ASMT: variants seen among roughly 807,000 people sequenced by gnomAD.
The protein encoded by ASMT is acetylserotonin O-methyltransferase, also known as acetylserotonin N-methyltransferase.
Under a neutral mutation model 41.3 loss-of-function variants are expected in ASMT, and 53 were observed. The ratio of observed to expected loss-of-function variants is 1.28; its 90% confidence interval spans 1.03 to 1.61. The LOEUF is 1.61. Ranked by LOEUF, ASMT falls within the 40% of genes most tolerant of loss-of-function variation. The pLI, the probability that ASMT is intolerant of heterozygous loss-of-function variation, is 0.00. For missense variants in ASMT, 531 were observed against 441.3 expected, an observed-to-expected ratio of 1.20 and a Z score of -1.82; for synonymous variants, 231 against 184.8, an observed-to-expected ratio of 1.25 and a Z score of -2.03.
In ASMT at chrX:1,636,490, G is replaced by C. The variant is rs745468260; in HGVS notation, c.840G>C (p.Arg280Ser). 1.2e-6 allele frequency: 2 copies of C among 1,613,872 alleles called. No homozygotes were observed. Among genetic ancestry groups the C allele is most frequent in the Non-Finnish European group, 1.7e-6 (2 of 1,179,860 alleles). The change falls in exon 8 of 9, where the codon AGG (arginine) becomes AGC (serine). Residue 280 changes from arginine (R) to serine (S), a missense_variant. Physicochemically the swap from Arg to Ser is moderately radical, Grantham distance 110. Coordinates refer to ENST00000381241, the MANE Select transcript of ASMT (RefSeq NM_001171038.2). The part of the protein sequence containing the change: ...LPEADLYILA[R>S]VLHDWADGKC... ...AAGCTGATCTGTACATCCTGGCCAGGGTCCTCCATGACTGGGCAGACGGAA... is the reference window on the plus strand; with the variant it reads ...AAGCTGATCTGTACATCCTGGCCAGCGTCCTCCATGACTGGGCAGACGGAA...
chrX:1,616,178 A>ATG lies in ASMT; in HGVS notation c.69+910_69+911insTG, dbSNP rs1569367833. ...CGAGTATCTGGGATTACAGGCACCC[A>ATG]CCACCACGCCCGGCTAATTTTTGTA... On this transcript the variant is annotated intron_variant, in intron 1 of 8. Coordinates refer to ENST00000381241, the MANE Select transcript of ASMT (RefSeq NM_001171038.2). 5.7e-3 allele frequency among the ~76,000 whole-genome samples: 808 copies of ATG among 140,798 alleles called. 21 individuals are homozygous for ATG. The highest frequency in any genetic ancestry group is 0.021 in the African/African-American group (746 of 35,318). The allele number at this position is 140,798 out of a possible 152,430, so 92.4% of individuals were successfully genotyped here.
intron 1 of ASMT, among the ~76,000 whole-genome samples, chrX:1,620,927 C>A (rs1164480216): frequency 3.4e-5 from 5 of 147,350 alleles, no homozygotes; most frequent in South Asian, 2.2e-4. Context: ...ATAAAGATAC[C>A]AAAAAAAAAA....
At chrX:1,627,100 A>G (rs184799243) in intron 3 of ASMT, among the ~76,000 whole-genome samples, 3,244 of 134,548 alleles carry the variant, frequency 0.024, 3 homozygotes, top group African/African-American at 0.085. Context: ...CAAGGCGGGC[A>G]GATCACCTGA....
chrX:1,627,414 G>A (rs1309247426), intron 3 of ASMT, among the ~76,000 whole-genome samples: 4 of 152,052 alleles, frequency 2.6e-5, no homozygotes, highest in East Asian at 1.9e-4. Flanking sequence ...CTGAGGTCAC[G>A]AGTTTGAGAC....
rs770366013 is a variant in ASMT at position 1,627,736 on chromosome X, C to A, written c.408C>A (p.Gly136=). 1.4e-5 allele frequency: 23 copies of A among 1,613,832 alleles called. No individual in the cohort carries two copies. Among genetic ancestry groups the A allele is most frequent in the African/African-American group, 2.7e-5 (2 of 74,918 alleles). The change falls in exon 4 of 9, where the codon GGC becomes GGA. Residue 136 remains glycine (G), a synonymous_variant. Transcript: ENST00000381241. ...EGRNQYLETF[G]VPAEELFTAI... ...GGAACCAGTACCTGGAGACGTTTGG[C>A]GTTCCCGCTGAAGAGCTTTTTACGG... is the stretch of plus-strand genomic sequence containing the variant.
intron 4 of ASMT, among the ~76,000 whole-genome samples, chrX:1,628,880 TC>T (rs1287613359): frequency 2.6e-5 from 4 of 150,994 alleles, no homozygotes; most frequent in African/African-American, 7.3e-5. Flanking sequence ...CCTCCTTTTC[TC>T]CTCCTCTCTT....
At chrX:1,633,705 C>G (rs2149470395) in intron 7 of ASMT, among the ~76,000 whole-genome samples, 1 of 146,798 alleles carries the variant, frequency 6.8e-6, no homozygotes, top group South Asian at 2.2e-4. Context: ...GGTGACAGAT[C>G]TCGGCTCCCT....
chrX:1,620,667 G>A (rs1394599743), intron 1 of ASMT, among the ~76,000 whole-genome samples: 2 of 152,122 alleles, frequency 1.3e-5, no homozygotes, highest in Admixed American at 6.6e-5. Flanking sequence ...TTGGGAGACC[G>A]AGGCAGGCAG....
chrX:1,616,088 G>C lies in ASMT; in HGVS notation c.69+820G>C, dbSNP rs1276830572. On this transcript the variant is annotated intron_variant, in intron 1 of 8. Transcript: ENST00000381241. ...CTGTAACCCAGGCTGGAGTGCAGTG[G>C]CACGGTCTTGGCTCACTGCAACCTC... 2.0e-5 allele frequency among the ~76,000 whole-genome samples: 3 copies of C among 151,510 alleles called. No homozygotes were observed. In the East Asian group the frequency reaches 5.8e-4, roughly 29 times the overall value.
intron 5 of ASMT, among the ~76,000 whole-genome samples, chrX:1,631,466 CTGT>C (rs1934774351): frequency 6.6e-6 from 1 of 152,144 alleles, no homozygotes; most frequent in Non-Finnish European, 1.5e-5. Flanking sequence ...TATCTCCCTC[CTGT>C]GACTCAGTGG....
chrX:1,625,735 A>G (rs1399158502), intron 3 of ASMT, among the ~76,000 whole-genome samples: 3 of 151,624 alleles, frequency 2.0e-5, no homozygotes, highest in Admixed American at 6.6e-5. Context: ...CGGGCGGATC[A>G]CGAGGTCAGG....
rs751275232 is a variant in ASMT, at chrX:1,624,366, C to T, written c.342C>T (p.Tyr114=). The T allele has an allele frequency of 3.1e-6, 5 of 1,613,796 alleles. No individual in the cohort carries two copies. Among genetic ancestry groups the T allele is most frequent in the South Asian group, 2.2e-5 (2 of 91,070 alleles). ...TGAAGTACATGGGCAGGACCAGCTA[C>T]CGGTGCTGGGGCCACCTGGCAGACG... The part of the protein sequence containing the change: ...SMLKYMGRTS[Y]RCWGHLADAV... The change falls in exon 3 of 9, where the codon TAC becomes TAT. Residue 114 remains tyrosine, a synonymous_variant. Transcript: ENST00000381241.
At chrX:1,641,690 TGA>T (rs1935177559) in intron 8 of ASMT, among the ~76,000 whole-genome samples, 1 of 146,760 alleles carries the variant, frequency 6.8e-6, no homozygotes, top group Middle Eastern at 3.7e-3. Context: ...CCTCTCTGTG[TGA>T]GATGGGGACA....
At chrX:1,619,817 C>A (rs1273451591) in intron 1 of ASMT, among the ~76,000 whole-genome samples, 2 of 151,732 alleles carry the variant, frequency 1.3e-5, no homozygotes, top group Non-Finnish European at 2.9e-5. Flanking sequence ...ACGGGCCGGG[C>A]GTGGTGGCTC....
intron 3 of ASMT, among the ~76,000 whole-genome samples, chrX:1,625,547 AGGG>A (rs1189359490): frequency 0.029 from 1,914 of 65,638 alleles, 61 homozygotes; most frequent in African/African-American, 0.1. Flanking sequence ...GAAGGAAGGG[AGGG>A]AGGGAGGGAG....
chrX:1,625,955 A>C (rs1270246456), intron 3 of ASMT, among the ~76,000 whole-genome samples: 1 of 17,800 alleles, frequency 5.6e-5, no homozygotes, highest in Non-Finnish European at 9.3e-5. Flanking sequence ...ACTCCATCTC[A>C]AAAAAAAAAA....
chrX:1,628,189 C>T (rs113136039), intron 4 of ASMT, among the ~76,000 whole-genome samples: 6 of 152,136 alleles, frequency 3.9e-5, no homozygotes, highest in African/African-American at 7.2e-5. Flanking sequence ...GGCGTGGTGG[C>T]GGACGCCTGT....
At chrX:1,641,245 G>A (rs867703974) in intron 8 of ASMT, among the ~76,000 whole-genome samples, 2 of 3,698 alleles carry the variant, frequency 5.4e-4, no homozygotes, top group Admixed American at 5.6e-3. Flanking sequence ...CCTCCTGATG[G>A]TTCATGAGGA....
chrX:1,636,746 C>G (rs1490825439), intron 8 of ASMT, 186 bp downstream of exon 8: 17 of 389,344 alleles, frequency 4.4e-5, no homozygotes, highest in Admixed American at 6.4e-5. Flanking sequence ...ATTGATAAAA[C>G]CACATAAAGA....
Sources: gnomAD v4.1 joint callset for allele counts (sites outside exome capture counted in the v4.1 genomes callset) on GRCh38, gnomAD v4.1.1 for gene constraint, MANE v1.5 for transcripts, NCBI Gene and HGNC (gene_info 2026-07-23, HGNC 2026-07-21) for gene names.